NREP: variants seen among roughly 807,000 people sequenced by gnomAD.
The protein encoded by NREP is neuronal regeneration-related protein.
NREP carries 5 observed loss-of-function variants against 8.6 expected under a neutral mutation model. That is an observed-to-expected ratio of 0.58 (90% CI 0.30 to 1.22). The LOEUF (loss-of-function observed/expected upper bound fraction) is 1.22. NREP is among the 50% of genes most tolerant of loss of function. The pLI is 0.07. For missense variants in NREP, 86 were observed against 82.5 expected (o/e 1.04, Z -0.17); for synonymous variants, 27 against 28.0 (o/e 0.96, Z 0.11).
Position 111,799,790 on chromosome 5 carries a change from T to G in NREP, c.136-64283A>C, listed in dbSNP as rs747312413. The stretch of plus-strand genomic sequence containing the variant: ...ATTTACTTCAGAAATTATTTGTAAC[T>G]AAGACATTTCTAAGGCTTAGCCAAT... On this transcript the variant is annotated intron_variant, in intron 2 of 3. Coordinates refer to the NREP transcript ENST00000395634. 1.6e-4 allele frequency among the ~76,000 whole-genome samples: 25 copies of G among 152,358 alleles called. No homozygotes were observed. The East Asian group carries it at 2.7e-3, about 16-fold the overall frequency.
intron 2 of NREP, among the ~76,000 whole-genome samples, chr5:111,822,829 G>C (rs12517708): frequency 0.29 from 43,662 of 152,068 alleles, 7,330 homozygotes; most frequent in Non-Finnish European, 0.39. Context: ...TAAAATATTT[G>C]TCATTAGTAT....
intron 2 of NREP, among the ~76,000 whole-genome samples, chr5:111,861,005 TA>T (rs1174663384): frequency 6.6e-6 from 1 of 152,092 alleles, no homozygotes; most frequent in Non-Finnish European, 1.5e-5. Flanking sequence ...AAAATAATCT[TA>T]AAATTGTAAA....
intron 2 of NREP, among the ~76,000 whole-genome samples, chr5:111,768,665 C>A (rs1173084476): frequency 1.3e-5 from 2 of 152,192 alleles, no homozygotes; most frequent in Non-Finnish European, 2.9e-5. Context: ...TGGCCTCCAG[C>A]TGCATCTATG....
chr5:111,956,624 T>C (rs1756328157), intron 2 of NREP, among the ~76,000 whole-genome samples: 1 of 152,062 alleles, frequency 6.6e-6, no homozygotes, highest in Non-Finnish European at 1.5e-5. Context: ...AAAAAGCTAG[T>C]GGTTGACAGT....
chr5:111,897,172 A>G (rs1369754604), intron 2 of NREP, among the ~76,000 whole-genome samples: 1 of 152,112 alleles, frequency 6.6e-6, no homozygotes, highest in Admixed American at 6.5e-5. Context: ...TTTTCACCAC[A>G]ATTTTACAAC....
intron 2 of NREP, among the ~76,000 whole-genome samples, chr5:111,790,748 T>C (rs1439559177): frequency 7.1e-6 from 1 of 140,856 alleles, no homozygotes; most frequent in East Asian, 2.0e-4. Context: ...GAGGATCTAG[T>C]TATTCCATTG....
At chr5:111,872,751 T>C (rs1334852912) in intron 2 of NREP, among the ~76,000 whole-genome samples, 1 of 152,198 alleles carries the variant, frequency 6.6e-6, no homozygotes, top group Non-Finnish European at 1.5e-5. Flanking sequence ...GTTTAATAAA[T>C]ATTTGTATTT....
At chr5:111,783,368 T>A (rs1751537806) in intron 2 of NREP, among the ~76,000 whole-genome samples, 1 of 152,196 alleles carries the variant, frequency 6.6e-6, no homozygotes, top group Non-Finnish European at 1.5e-5. Context: ...ATATTCTATA[T>A]GTTGGGGAAA....
Position 111,791,792 on chromosome 5 carries a change from T to C in NREP, c.136-56285A>G, listed in dbSNP as rs1240512831. On this transcript the variant is annotated intron_variant, in intron 2 of 3. Transcript: ENST00000395634. ...CCTGTGACTTAAATTAAATGTGCTG[T>C]TTATTCATTCTTTTAGATATACTAC... Among the ~76,000 whole-genome samples the C allele has an allele frequency of 5.9e-5, 9 of 152,240 alleles. No individual in the cohort carries two copies. The East Asian group carries it at 1.2e-3, about 20-fold the overall frequency.
At chr5:111,739,770 T>G (rs1348563807) in intron 2 of NREP, 7 of 152,130 alleles carry the variant, frequency 4.6e-5, no homozygotes, top group African/African-American at 1.7e-4. Context: ...TCTAGAAAAT[T>G]TAAGCGTTCT....
intron 2 of NREP, among the ~76,000 whole-genome samples, chr5:111,924,123 T>A (rs958932354): frequency 6.6e-6 from 1 of 152,118 alleles, no homozygotes; most frequent in Non-Finnish European, 1.5e-5. Context: ...ACCCTTCAGA[T>A]AACACTAAAC....
chr5:111,748,091 C>G (rs3797732), intron 2 of NREP, among the ~76,000 whole-genome samples: 31,082 of 152,052 alleles, frequency 0.2, 4,109 homozygotes, highest in African/African-American at 0.36. Context: ...AAGATGTGTG[C>G]CACTACCCTA....
At chr5:111,821,791 A>C (rs1752520460) in intron 2 of NREP, among the ~76,000 whole-genome samples, 1 of 152,126 alleles carries the variant, frequency 6.6e-6, no homozygotes, top group African/African-American at 2.4e-5. Context: ...CTCCTTATTT[A>C]GCTCTCTCTT....
At chr5:111,757,501 G>C (rs1181250899), upstream of NREP, 1 of 984,850 alleles carries the variant, frequency 1.0e-6, no homozygotes, top group Non-Finnish European at 1.2e-6. Flanking sequence ...TGGAGCTGGC[G>C]CGGAGCCAGC....
At chr5:111,956,881 T>C (rs1338055098) in intron 2 of NREP, among the ~76,000 whole-genome samples, 2 of 151,936 alleles carry the variant, frequency 1.3e-5, no homozygotes, top group South Asian at 4.2e-4. Context: ...TGAGAACTGC[T>C]TGAACCTGGG....
chr5:111,912,179 A>G (rs988954032), intron 2 of NREP, among the ~76,000 whole-genome samples: 1 of 152,054 alleles, frequency 6.6e-6, no homozygotes, highest in Non-Finnish European at 1.5e-5. Flanking sequence ...ACACATTCGT[A>G]TGGTAACATT....
chr5:111,803,841 A>G (rs888145763), intron 2 of NREP, among the ~76,000 whole-genome samples: 2 of 152,210 alleles, frequency 1.3e-5, no homozygotes, highest in Non-Finnish European at 2.9e-5. Flanking sequence ...AATAAACTTA[A>G]CAAGATATGT....
In NREP at chr5:111,975,379, C is replaced by A. The variant is rs1358020535; in HGVS notation, c.31-1G>T. 2 of 1,550,838 alleles carry A rather than the reference C, an allele frequency of 1.3e-6. No individual in the cohort carries two copies. Among genetic ancestry groups the A allele is most frequent in the African/African-American group, 2.7e-5 (2 of 73,022 alleles). ...TTCGTGTTTCATCTTCTCTTCGGCT[C>A]TGCAGACAAGACACATGGTAGAAAA... On this transcript the variant is annotated splice_acceptor_variant, in intron 1 of 3. Coordinates refer to the NREP transcript ENST00000395634. LOFTEE classifies it high-confidence loss of function.
intron 2 of NREP, among the ~76,000 whole-genome samples, chr5:111,749,707 T>A (rs1239591547): frequency 6.6e-6 from 1 of 152,152 alleles, no homozygotes; most frequent in South Asian, 2.1e-4. Flanking sequence ...GAGGGAAGCA[T>A]GATCTTTCTA....
Sources: allele counts gnomAD v4.1 joint callset (sites outside exome capture counted in the v4.1 genomes callset), GRCh38; gene constraint gnomAD v4.1.1; transcripts MANE v1.5; gene names NCBI Gene and HGNC (gene_info 2026-07-23, HGNC 2026-07-21).